ARHGAP25: variants seen among roughly 807,000 people sequenced by gnomAD.
The protein encoded by ARHGAP25 is rho GTPase-activating protein 25.
A neutral mutation model predicts 71.0 loss-of-function variants in ARHGAP25; 34 were observed. The observed-to-expected ratio is 0.48, with a 90% CI of 0.36 to 0.64. The LOEUF is 0.64. ARHGAP25 is among the 30% of genes least tolerant of loss of function. The pLI, the probability that ARHGAP25 is intolerant of heterozygous loss-of-function variation, is 0.00. For missense variants in ARHGAP25, 706 were observed against 805.1 expected, an observed-to-expected ratio of 0.88 and a Z score of 1.49; for synonymous variants, 282 against 296.5, an observed-to-expected ratio of 0.95 and a Z score of 0.50.
intron 1 of ARHGAP25, among the ~76,000 whole-genome samples, chr2:68,739,277 A>T (rs866789700): frequency 6.6e-6 from 1 of 152,224 alleles, no homozygotes; most frequent in Non-Finnish European, 1.5e-5. Context: ...CTTATTGCCT[A>T]TGTGTCTGAA....
intron 5 of ARHGAP25, among the ~76,000 whole-genome samples, chr2:68,809,540 G>A (rs530735752): frequency 1.3e-5 from 2 of 152,234 alleles, no homozygotes; most frequent in South Asian, 4.1e-4. Context: ...GAGTTCTGAA[G>A]AGGGGCAGTG....
At chr2:68,775,441 C>T in intron 2 of ARHGAP25, 21 bp downstream of exon 2, 1 of 1,614,050 alleles carries the variant, frequency 6.2e-7, no homozygotes, top group Non-Finnish European at 8.5e-7. Flanking sequence ...GGCTGTTTGT[C>T]CCGTTCATAA....
At chr2:68,755,467 A>G (rs4380277) in intron 1 of ARHGAP25, among the ~76,000 whole-genome samples, 125,020 of 152,202 alleles carry the variant, frequency 0.82, 51,512 homozygotes, top group Non-Finnish European at 0.84. Context: ...TCAAAATTAT[A>G]CAAGTTAATT....
chr2:68,800,923 T>G (rs1013363685), intron 4 of ARHGAP25, among the ~76,000 whole-genome samples: 12 of 152,168 alleles, frequency 7.9e-5, no homozygotes, highest in Non-Finnish European at 1.8e-4. Flanking sequence ...TATAATAAAT[T>G]CATGAAAATT....
intron 1 of ARHGAP25, among the ~76,000 whole-genome samples, chr2:68,758,151 C>CA (rs765239757): frequency 6.6e-6 from 1 of 151,662 alleles, no homozygotes; most frequent in South Asian, 2.1e-4. Context: ...TCTTTCACTA[C>CA]AAAAAAATCA....
chr2:68,787,625 A>T (rs946518527), intron 3 of ARHGAP25, among the ~76,000 whole-genome samples: 1 of 152,272 alleles, frequency 6.6e-6, no homozygotes, highest in Middle Eastern at 3.4e-3. Flanking sequence ...ATTGCAAACC[A>T]TTGTGTTCAA....
intron 2 of ARHGAP25, among the ~76,000 whole-genome samples, chr2:68,777,572 A>G (rs1678013891): frequency 6.6e-6 from 1 of 152,248 alleles, no homozygotes; most frequent in Non-Finnish European, 1.5e-5. Flanking sequence ...TGAGATAATT[A>G]GGTAACACTT....
rs936277739 is a variant in ARHGAP25, at chr2:68,775,424, C to T, written c.261+4C>T. 6.2e-7 allele frequency: 1 copy of T among 1,614,222 alleles called. No individual in the cohort carries two copies. Among genetic ancestry groups the T allele is most frequent in the Non-Finnish European group, 8.5e-7 (1 of 1,180,028 alleles). Reference sequence around the variant, plus strand: ...TGAAGAGGACACGAAGCCCCAGGTACCAGCCAGGCTGTTTGTCCCGTTCAT... The same window carrying T: ...TGAAGAGGACACGAAGCCCCAGGTATCAGCCAGGCTGTTTGTCCCGTTCAT... On this transcript the variant is annotated splice_donor_region_variant and intron_variant, in intron 2 of 10. Coordinates refer to ENST00000409202, the MANE Select transcript of ARHGAP25 (RefSeq NM_001007231.3).
At chr2:68,717,078 A>G (rs1046817651) in intron 2 of ARHGAP25, among the ~76,000 whole-genome samples, 3 of 152,176 alleles carry the variant, frequency 2.0e-5, no homozygotes, top group Admixed American at 6.5e-5. Flanking sequence ...CTTACACAAA[A>G]CTAGGTGGTA....
chr2:68,786,965 C>G (rs77070569), intron 3 of ARHGAP25, among the ~76,000 whole-genome samples: 25 of 152,226 alleles, frequency 1.6e-4, no homozygotes, highest in African/African-American at 5.5e-4. Flanking sequence ...AAGAAAATAC[C>G]AACTTTGAGG....
chr2:68,820,845 T>C (rs932858615), intron 9 of ARHGAP25, among the ~76,000 whole-genome samples: 1 of 144,566 alleles, frequency 6.9e-6, no homozygotes, highest in Non-Finnish European at 1.5e-5. Flanking sequence ...TTACACAAAA[T>C]GTAGTATAAT....
chr2:68,776,830 A>G (rs1677955171), intron 2 of ARHGAP25, among the ~76,000 whole-genome samples: 1 of 152,154 alleles, frequency 6.6e-6, no homozygotes, highest in Non-Finnish European at 1.5e-5. Context: ...AAATCCCGAG[A>G]AAGGCAAGGA....
chr2:68,719,348 T>C (rs1674695167), intron 2 of ARHGAP25, among the ~76,000 whole-genome samples: 2 of 150,172 alleles, frequency 1.3e-5, no homozygotes, highest in Non-Finnish European at 3.0e-5. Flanking sequence ...TGGCACCTGA[T>C]GCTAACTCCA....
chr2:68,777,977 TA>T (rs1402038129), intron 2 of ARHGAP25, among the ~76,000 whole-genome samples: 6 of 152,132 alleles, frequency 3.9e-5, no homozygotes, highest in Non-Finnish European at 8.8e-5. Flanking sequence ...ATTAACAATA[TA>T]TCATGAATTT....
At chr2:68,739,959 G>A (rs1046796233) in intron 1 of ARHGAP25, among the ~76,000 whole-genome samples, 19 of 152,188 alleles carry the variant, frequency 1.2e-4, no homozygotes, top group Middle Eastern at 3.4e-3. Context: ...ATATAACTTT[G>A]TCTTCTTTGA....
intron 2 of ARHGAP25, among the ~76,000 whole-genome samples, chr2:68,776,826 C>T (rs533792982): frequency 4.6e-5 from 7 of 152,156 alleles, no homozygotes; most frequent in South Asian, 2.1e-4. Context: ...AACAAAATCC[C>T]GAGAAAGGCA....
At chr2:68,761,777 T>C (rs1049154024) in intron 1 of ARHGAP25, among the ~76,000 whole-genome samples, 3 of 152,278 alleles carry the variant, frequency 2.0e-5, no homozygotes, top group Non-Finnish European at 2.9e-5. Context: ...CCTTTTGCAC[T>C]GTTGGTGGAA....
chr2:68,799,773 A>G (rs1446696460), intron 4 of ARHGAP25, among the ~76,000 whole-genome samples: 3 of 152,220 alleles, frequency 2.0e-5, no homozygotes, highest in Admixed American at 1.3e-4. Flanking sequence ...GGGCTGGGGC[A>G]GGTGCAGACA....
chr2:68,798,297 A>T (rs1679720998), intron 4 of ARHGAP25, among the ~76,000 whole-genome samples: 1 of 152,174 alleles, frequency 6.6e-6, no homozygotes, highest in African/African-American at 2.4e-5. Context: ...TTGTTATTCC[A>T]TGTGTTCTGG....
Sources: allele counts gnomAD v4.1 joint callset (sites outside exome capture counted in the v4.1 genomes callset), GRCh38; gene constraint gnomAD v4.1.1; transcripts MANE v1.5; gene names NCBI Gene and HGNC (gene_info 2026-07-23, HGNC 2026-07-21).